CSMD1: variants seen among roughly 807,000 people sequenced by gnomAD.
The protein encoded by CSMD1 is CUB and sushi domain-containing protein 1.
In CSMD1, 213 loss-of-function variants were observed where a neutral mutation model predicts 417.5. That is an observed-to-expected ratio of 0.51 (90% confidence interval 0.46 to 0.57). The LOEUF (loss-of-function observed/expected upper bound fraction) is 0.57. CSMD1 is among the 20% of genes least tolerant of loss of function. CSMD1 has a pLI of 0.00. For synonymous variants in CSMD1, 2,862 were observed against 1,736.8 expected (o/e 1.65, Z -16.11); for missense variants, 6,923 against 4,529.7 (o/e 1.53, Z -15.17).
chr8:4,815,741 T>C (rs1585146872), intron 1 of CSMD1, among the ~76,000 whole-genome samples: 1 of 141,522 alleles, frequency 7.1e-6, no homozygotes, highest in Admixed American at 7.0e-5. Context: ...AACCTTTAAA[T>C]CTTTTTAAAA....
rs147597369 is a variant in CSMD1 at position 3,978,067 on chromosome 8, G to C, written c.818+19836C>G. ...CTTCCTCAAAAAGCACGTTGTACTG[G>C]AGCAACTGTGAAACTCGGTGTCTGT... On this transcript the variant is annotated intron_variant, in intron 5 of 69. Coordinates refer to ENST00000635120, the MANE Select transcript of CSMD1 (RefSeq NM_033225.6). Among the ~76,000 whole-genome samples, 479 of 152,268 alleles carry C rather than the reference G, an allele frequency of 3.1e-3. 2 individuals are homozygous for C. Among genetic ancestry groups the C allele is most frequent in the African/African-American group, 0.01 (433 of 41,546 alleles).
At chr8:4,683,520 G>C (rs947284005) in intron 1 of CSMD1, among the ~76,000 whole-genome samples, 2 of 152,142 alleles carry the variant, frequency 1.3e-5, no homozygotes, top group Non-Finnish European at 1.5e-5. Context: ...CTCTGTAAGG[G>C]ATTGTGCCAG....
At chr8:4,386,336 G>C (rs1436253069) in intron 3 of CSMD1, among the ~76,000 whole-genome samples, 1 of 150,478 alleles carries the variant, frequency 6.6e-6, no homozygotes, top group East Asian at 2.0e-4. Context: ...TCCGTCCTCG[G>C]TTATGACTTC....
intron 3 of CSMD1, among the ~76,000 whole-genome samples, chr8:4,300,117 T>A (rs1797899838): frequency 6.6e-6 from 1 of 152,188 alleles, no homozygotes; most frequent in South Asian, 2.1e-4. Context: ...TTAGGTAACA[T>A]CAGCTGAGTG....
chr8:3,262,537 A>G (rs1477811063), intron 26 of CSMD1, among the ~76,000 whole-genome samples: 1 of 151,462 alleles, frequency 6.6e-6, no homozygotes, highest in Non-Finnish European at 1.5e-5. Flanking sequence ...TTCGGGCCAA[A>G]TGAAAAAAAA....
At chr8:4,107,134 C>T (rs1025501451) in intron 3 of CSMD1, among the ~76,000 whole-genome samples, 7 of 152,156 alleles carry the variant, frequency 4.6e-5, no homozygotes, top group African/African-American at 1.4e-4. Flanking sequence ...AAGCATAGTA[C>T]TGGTTCTACT....
chr8:4,306,313 C>T (rs1644221320), intron 3 of CSMD1, among the ~76,000 whole-genome samples: 1 of 152,196 alleles, frequency 6.6e-6, no homozygotes, highest in Admixed American at 6.5e-5. Context: ...AACAGCCCAG[C>T]TCGATCCTTC....
At chr8:3,770,055 G>C (rs76880057) in intron 5 of CSMD1, among the ~76,000 whole-genome samples, 2,607 of 152,232 alleles carry the variant, frequency 0.017, 74 homozygotes, top group African/African-American at 0.058. Flanking sequence ...TTCCTGATCA[G>C]GGAAGGCTTG....
intron 3 of CSMD1, among the ~76,000 whole-genome samples, chr8:4,213,069 A>G (rs1208714564): frequency 3.9e-5 from 6 of 152,128 alleles, no homozygotes; most frequent in Non-Finnish European, 8.8e-5. Flanking sequence ...ACTTTGAGCT[A>G]ATGTCTAAGA....
chr8:3,362,791 A>T (rs1395033879), intron 20 of CSMD1, among the ~76,000 whole-genome samples: 1 of 152,126 alleles, frequency 6.6e-6, no homozygotes, highest in Admixed American at 6.5e-5. Context: ...ATTTTATATG[A>T]CACCTTCACT....
At chr8:3,376,023 C>G (rs1054277051) in intron 18 of CSMD1, among the ~76,000 whole-genome samples, 1 of 152,144 alleles carries the variant, frequency 6.6e-6, no homozygotes, top group Non-Finnish European at 1.5e-5. Flanking sequence ...TCCTCATCCA[C>G]TTTTCTGTGT....
chr8:4,697,654 T>C (rs1807228899), intron 1 of CSMD1, among the ~76,000 whole-genome samples: 1 of 152,168 alleles, frequency 6.6e-6, no homozygotes, highest in Non-Finnish European at 1.5e-5. Context: ...CTGATATTAG[T>C]TGCTGGTTAC....
intron 36 of CSMD1, among the ~76,000 whole-genome samples, chr8:3,181,435 G>A (rs138995947): frequency 2.4e-4 from 36 of 152,310 alleles, no homozygotes; most frequent in Admixed American, 1.8e-3. Flanking sequence ...TCAAGTCGAT[G>A]TGACACCTTT....
At chr8:3,695,549 T>G (rs1049145715) in intron 7 of CSMD1, among the ~76,000 whole-genome samples, 7 of 152,262 alleles carry the variant, frequency 4.6e-5, no homozygotes, top group African/African-American at 1.7e-4. Flanking sequence ...TGCTAATTGC[T>G]TTCCACCAAA....
At chr8:3,263,085 G>A (rs907804574) in intron 26 of CSMD1, among the ~76,000 whole-genome samples, 4 of 152,184 alleles carry the variant, frequency 2.6e-5, no homozygotes, top group Middle Eastern at 3.4e-3. Flanking sequence ...GTCCTTATAT[G>A]TTTTCTCTTG....
At position 4,073,690 on chromosome 8, in the gene CSMD1, G is replaced by T. The variant is rs542545518; in HGVS notation, c.416-41591C>A. Among the ~76,000 whole-genome samples the T allele has an allele frequency of 2.6e-5, 4 of 152,194 alleles. No individual in the cohort carries two copies. The East Asian group carries it at 7.7e-4, about 29-fold the overall frequency. On this transcript the variant is annotated intron_variant, in intron 3 of 69. Coordinates refer to ENST00000635120, the MANE Select transcript of CSMD1 (RefSeq NM_033225.6). ...ATAGTTATATTTAGATTATTTCTAA[G>T]TAACTCACCAACATGCAAATATTGA...
At chr8:4,981,506 G>C (rs1810886851) in intron 1 of CSMD1, among the ~76,000 whole-genome samples, 1 of 152,180 alleles carries the variant, frequency 6.6e-6, no homozygotes, top group Non-Finnish European at 1.5e-5. Context: ...TGGGGAAAAT[G>C]ACAATGTTTA....
chr8:3,268,920 G>C (rs1801635600), intron 26 of CSMD1, among the ~76,000 whole-genome samples: 1 of 152,142 alleles, frequency 6.6e-6, no homozygotes, highest in Non-Finnish European at 1.5e-5. Context: ...TGATATTCCA[G>C]CTAGTATTTT....
chr8:4,005,358 G>C (rs1816028484), intron 4 of CSMD1, among the ~76,000 whole-genome samples: 1 of 152,158 alleles, frequency 6.6e-6, no homozygotes, highest in South Asian at 2.1e-4. Flanking sequence ...GTAATGCAGG[G>C]GCGGGTCCGG....
Sources: allele counts gnomAD v4.1 joint callset (sites outside exome capture counted in the v4.1 genomes callset), GRCh38; gene constraint gnomAD v4.1.1; transcripts MANE v1.5; gene names NCBI Gene and HGNC (gene_info 2026-07-23, HGNC 2026-07-21).